The following ATXN1 variants were observed in gnomAD, a reference collection of about 807,000 sequenced individuals.
The protein encoded by ATXN1 is ataxin-1.
ATXN1 carries 8 observed loss-of-function variants against 56.4 expected under a neutral mutation model. That is an observed-to-expected ratio of 0.14 (90% CI 0.08 to 0.26). The LOEUF (loss-of-function observed/expected upper bound fraction) is 0.26. Among genes scored for constraint, ATXN1 ranks in the 10% least tolerant of loss-of-function variants. The pLI, the probability that ATXN1 is intolerant of heterozygous loss-of-function variation, is 1.00. For synonymous variants in ATXN1, 514 were observed against 494.6 expected (o/e 1.04, Z -0.52); for missense variants, 987 against 1,106.5 (o/e 0.89, Z 1.53).
chr6:16,414,150 C>T (rs142673819), intron 6 of ATXN1, among the ~76,000 whole-genome samples: 29 of 152,328 alleles, frequency 1.9e-4, no homozygotes, highest in Admixed American at 2.6e-4. Flanking sequence ...CACAGATAAT[C>T]TCACGCCAGC....
intron 3 of ATXN1, among the ~76,000 whole-genome samples, chr6:16,632,291 G>C (rs950245647): frequency 6.6e-6 from 1 of 152,158 alleles, no homozygotes; most frequent in Non-Finnish European, 1.5e-5. Context: ...AGGGGACCTT[G>C]CAACGTTTGC....
chr6:16,425,067 G>C (rs1759121549), intron 6 of ATXN1, among the ~76,000 whole-genome samples: 1 of 152,180 alleles, frequency 6.6e-6, no homozygotes, highest in South Asian at 2.1e-4. Flanking sequence ...AGCAATATTT[G>C]AGCTATGGCC....
At chr6:16,638,931 G>A (rs1293569675) in intron 3 of ATXN1, among the ~76,000 whole-genome samples, 2 of 152,220 alleles carry the variant, frequency 1.3e-5, no homozygotes, top group African/African-American at 4.8e-5. Flanking sequence ...GTGGTATTGA[G>A]AGGTGAAGCC....
chr6:16,349,493 C>T (rs576861971), intron 6 of ATXN1, among the ~76,000 whole-genome samples: 1 of 151,352 alleles, frequency 6.6e-6, no homozygotes, highest in East Asian at 1.9e-4. Context: ...CAGAGCGAGA[C>T]TGTGTCTCAA....
At chr6:16,586,030 C>T (rs1581863015) in intron 3 of ATXN1, 123 bp from the exon 4 acceptor site, 2 of 147,380 alleles carry the variant, frequency 1.4e-5, no homozygotes, top group South Asian at 2.1e-4. Context: ...CACATGCACA[C>T]ACGCAAGCAT....
At chr6:16,478,098 C>A (rs1199819433) in intron 6 of ATXN1, among the ~76,000 whole-genome samples, 2 of 152,176 alleles carry the variant, frequency 1.3e-5, no homozygotes, top group Non-Finnish European at 2.9e-5. Flanking sequence ...GGCTAGGAAC[C>A]TGGATTATAA....
intron 3 of ATXN1, among the ~76,000 whole-genome samples, chr6:16,651,229 T>G (rs1185034081): frequency 2.0e-5 from 3 of 150,776 alleles, no homozygotes; most frequent in Admixed American, 6.6e-5. Flanking sequence ...TGGAGAAGAG[T>G]GGGTAAACTA....
intron 3 of ATXN1, among the ~76,000 whole-genome samples, chr6:16,620,609 C>T (rs558480408): frequency 3.9e-5 from 6 of 152,246 alleles, no homozygotes; most frequent in Non-Finnish European, 7.4e-5. Flanking sequence ...CAACCCAAGT[C>T]GAAGAGGTAC....
In ATXN1 at chr6:16,326,678, G is replaced by A. The variant is rs1204881376; in HGVS notation, c.1633C>T (p.Pro545Ser). The change falls in exon 7 of 8, where the codon CCA (proline) becomes TCA (serine). Residue 545 changes from proline (P) to serine (S), a missense_variant. By Grantham distance (74) the Pro-to-Ser change is moderately conservative. Transcript: ENST00000436367. This position sits in a 1 kb window ranked among gnomAD's most constrained non-coding sequence, Gnocchi z 6.6. ...PEALVTQAAY[P>S]AMVQAQIHLP... The stretch of plus-strand genomic sequence containing the variant: ...TGGATCTGGGCCTGCACCATGGCTG[G>A]GTAGGCGGCCTGGGTGACCAGGGCC... The A allele has an allele frequency of 4.3e-6, 7 of 1,613,240 alleles. No homozygotes were observed. Among genetic ancestry groups the A allele is most frequent in the Non-Finnish European group, 5.9e-6 (7 of 1,180,032 alleles).
rs1581817150 is a variant in ATXN1, at chr6:16,519,866, G to C, written c.-299+2761C>G. 2.0e-5 allele frequency among the ~76,000 whole-genome samples: 3 copies of C among 152,212 alleles called. No individual in the cohort carries two copies. The East Asian group carries it at 5.8e-4, about 29-fold the overall frequency. ...CCGAGACAGGAGGCAAGTGTTAATA[G>C]CAAGAGTAGATAGTAACCATTACGA... On this transcript the variant is annotated intron_variant, in intron 5 of 7. Transcript: ENST00000436367.
intron 6 of ATXN1, among the ~76,000 whole-genome samples, chr6:16,461,155 T>C (rs904558178): frequency 3.3e-5 from 5 of 152,096 alleles, no homozygotes; most frequent in African/African-American, 1.2e-4. Flanking sequence ...AACCTCCCAT[T>C]AGAAATACCT....
At chr6:16,375,381 T>C (rs889021396) in intron 6 of ATXN1, among the ~76,000 whole-genome samples, 1 of 152,210 alleles carries the variant, frequency 6.6e-6, no homozygotes, top group African/African-American at 2.4e-5. Flanking sequence ...AGGACAAGTG[T>C]CTCTGAGGAA....
chr6:16,551,841 C>T (rs575427463), intron 4 of ATXN1, among the ~76,000 whole-genome samples: 5 of 152,144 alleles, frequency 3.3e-5, no homozygotes, highest in East Asian at 1.9e-4. Context: ...GCAGAAGTTA[C>T]GGGTCTGAAA....
At chr6:16,526,958 T>A (rs1561740388) in intron 4 of ATXN1, among the ~76,000 whole-genome samples, 1 of 149,080 alleles carries the variant, frequency 6.7e-6, no homozygotes, top group Non-Finnish European at 1.5e-5. Flanking sequence ...GAAAGTTAAC[T>A]GAAAAAACTG....
intron 6 of ATXN1, among the ~76,000 whole-genome samples, chr6:16,399,373 G>A (rs773104265): frequency 1.3e-5 from 2 of 152,182 alleles, no homozygotes; most frequent in African/African-American, 2.4e-5. Flanking sequence ...TTTCCCTGCT[G>A]TTCTATTAAA....
At chr6:16,639,444 G>A (rs1377721068) in intron 3 of ATXN1, among the ~76,000 whole-genome samples, 1 of 152,170 alleles carries the variant, frequency 6.6e-6, no homozygotes, top group Non-Finnish European at 1.5e-5. Flanking sequence ...CGCCTAAGTA[G>A]CTGGGATTAC....
chr6:16,577,398 C>T (rs951808130), intron 4 of ATXN1, among the ~76,000 whole-genome samples: 1 of 151,958 alleles, frequency 6.6e-6, no homozygotes, highest in African/African-American at 2.4e-5. Flanking sequence ...GTGGCGCACA[C>T]CTGTAGTCCC....
At chr6:16,408,558 T>C (rs1461842707) in intron 6 of ATXN1, among the ~76,000 whole-genome samples, 2 of 152,110 alleles carry the variant, frequency 1.3e-5, no homozygotes, top group Non-Finnish European at 2.9e-5. Context: ...GCCTATCATC[T>C]GACAGGCACT....
intron 1 of ATXN1, among the ~76,000 whole-genome samples, chr6:16,756,503 T>C (rs1338740262): frequency 6.6e-6 from 1 of 152,174 alleles, no homozygotes; most frequent in African/African-American, 2.4e-5. Flanking sequence ...TTTATCAAAA[T>C]AAGGAGGGCC....
Sources: allele counts gnomAD v4.1 joint callset (sites outside exome capture counted in the v4.1 genomes callset), GRCh38; gene constraint gnomAD v4.1.1; non-coding constraint Gnocchi (gnomAD v3.1); transcripts MANE v1.5; gene names NCBI Gene and HGNC (gene_info 2026-07-23, HGNC 2026-07-21).